The following PAFAH1B3 variants were observed in gnomAD, a reference collection of about 807,000 sequenced individuals.
The protein encoded by PAFAH1B3 is platelet activating factor acetylhydrolase 1b catalytic subunit 3.
Under a neutral mutation model 24.4 loss-of-function variants are expected in PAFAH1B3, and 15 were observed. That is an observed-to-expected ratio of 0.62 (90% CI 0.41 to 0.95). PAFAH1B3 has a LOEUF of 0.95. Among genes scored for constraint, PAFAH1B3 ranks in the 40% least tolerant of loss-of-function variants. The probability of loss-of-function intolerance (pLI) is 0.00; values close to 1 mark genes in which losing one functional copy is unlikely to be tolerated. For synonymous variants in PAFAH1B3, 144 were observed against 126.5 expected, an observed-to-expected ratio of 1.14 and a Z score of -0.93; for missense variants, 266 against 312.2, an observed-to-expected ratio of 0.85 and a Z score of 1.12.
chr19:42,300,505 T>C (rs1386860161), intron 2 of PAFAH1B3, among the ~76,000 whole-genome samples: 1 of 152,228 alleles, frequency 6.6e-6, no homozygotes, highest in Non-Finnish European at 1.5e-5. Flanking sequence ...TATTTTATTT[T>C]ATATTTTTGA....
At chr19:42,298,128 C>T (rs2038565812) in intron 4 of PAFAH1B3, among the ~76,000 whole-genome samples, 1 of 152,070 alleles carries the variant, frequency 6.6e-6, no homozygotes, top group Non-Finnish European at 1.5e-5. Flanking sequence ...GCCCTGGAAG[C>T]AGAAGTTGCA....
At chr19:42,299,451 G>T (rs1282613915) in intron 4 of PAFAH1B3, among the ~76,000 whole-genome samples, 3 of 146,996 alleles carry the variant, frequency 2.0e-5, no homozygotes, top group African/African-American at 7.6e-5. Flanking sequence ...TTGAGACGGA[G>T]TCTCGCTCTG....
rs758422229 is a variant in PAFAH1B3, at chr19:42,297,141, C to G, written c.633G>C (p.Leu211=). Residue 211 remains leucine, a synonymous_variant, in exon 5 of 5, where the codon CTG becomes CTC. Coordinates refer to ENST00000262890, the MANE Select transcript of PAFAH1B3 (RefSeq NM_002573.4). The part of the protein sequence containing the change: ...YTPVCRALHS[L]LLRLLAQDQG... ...GGTCTTGGGCCAGCAGACGCAGAAG[C>G]AGGGAGTGCAGAGCCCGGCAAACAG... is the stretch of plus-strand genomic sequence containing the variant. 1 of 1,613,290 alleles carries G rather than the reference C, an allele frequency of 6.2e-7. No homozygotes were observed. Among genetic ancestry groups the G allele is most frequent in the Non-Finnish European group, 8.5e-7 (1 of 1,179,306 alleles).
chr19:42,299,208 C>T (rs1164304681), intron 4 of PAFAH1B3, among the ~76,000 whole-genome samples: 1 of 151,812 alleles, frequency 6.6e-6, no homozygotes, highest in African/African-American at 2.4e-5. Flanking sequence ...CCTCCACCTC[C>T]TGGGTTCAAG....
At chr19:42,300,691 G>C (rs967484535) in intron 2 of PAFAH1B3, among the ~76,000 whole-genome samples, 10 of 152,054 alleles carry the variant, frequency 6.6e-5, no homozygotes, top group Non-Finnish European at 4.4e-5. Flanking sequence ...CTAATTTTTT[G>C]TATTTTTAGT....
intron 4 of PAFAH1B3, among the ~76,000 whole-genome samples, chr19:42,299,365 C>A (rs1253960925): frequency 2.0e-5 from 3 of 152,136 alleles, no homozygotes; most frequent in African/African-American, 7.2e-5. Flanking sequence ...GATCTGCTTG[C>A]CTCGGCCTCC....
chr19:42,302,575 G>A lies in PAFAH1B3; in HGVS notation c.-266C>T, dbSNP rs757055548. The A allele has an allele frequency of 6.7e-6, 3 of 445,340 alleles. No individual in the cohort carries two copies. Among genetic ancestry groups the A allele is most frequent in the Non-Finnish European group, 1.2e-5 (3 of 247,166 alleles). The allele number at this position is 445,340 out of a possible 1,614,324, so 27.6% of individuals were successfully genotyped here. A position where few individuals can be genotyped will look rare whatever the true frequency, so the allele number is the denominator to read the frequency against. On this transcript the variant is annotated 5_prime_UTR_variant, in exon 1 of 5. Coordinates refer to ENST00000262890, the MANE Select transcript of PAFAH1B3 (RefSeq NM_002573.4). ...TGGGCTCGCCCGGCGCTTCCCGCTC[G>A]GGCCGCTGACTCCCAGGCCGCGCAC...
chr19:42,297,810 T>C (rs897722617), intron 4 of PAFAH1B3, among the ~76,000 whole-genome samples: 1 of 151,996 alleles, frequency 6.6e-6, no homozygotes, highest in Non-Finnish European at 1.5e-5. Context: ...CCTGACTTCA[T>C]GATCCGCCCG....
Position 42,301,973 on chromosome 19 carries a change from C to T in PAFAH1B3, c.145G>A (p.Val49Ile). 1 of 1,563,538 alleles carries T rather than the reference C, an allele frequency of 6.4e-7. No homozygotes were observed. The highest frequency in any genetic ancestry group is 8.7e-7 in the Non-Finnish European group (1 of 1,154,078). Residue 49 changes from valine (V) to isoleucine (I), a missense_variant, in exon 2 of 5, where the codon GTC becomes ATC. By Grantham distance (29) the Val-to-Ile change is conservative. Coordinates refer to ENST00000262890, the MANE Select transcript of PAFAH1B3 (RefSeq NM_002573.4). ...PEVVFIGDSL[V>I]QLMHQCEIWR... is the part of the protein sequence containing the mutation. Reference sequence around the variant, plus strand: ...ACCTCGCACTGGTGCATGAGCTGGACCAAGGAGTCCCCGATGAAGACGACT... The same window carrying T: ...ACCTCGCACTGGTGCATGAGCTGGATCAAGGAGTCCCCGATGAAGACGACT...
chr19:42,298,132 A>G, intron 4 of PAFAH1B3, among the ~76,000 whole-genome samples: 2 of 152,034 alleles, frequency 1.3e-5, no homozygotes, highest in Non-Finnish European at 2.9e-5. Context: ...TGGAAGCAGA[A>G]GTTGCAGTGA....
Position 42,301,937 on chromosome 19 carries a change from G to T in PAFAH1B3, c.168+13C>A. ...AGGGCTGGATGGGGCAGGGGGAGAG[G>T]GACTGCCCTCACCTCGCACTGGTGC... On this transcript the variant is annotated intron_variant, in intron 2 of 4. Transcript: ENST00000262890. 1 of 1,548,696 alleles carries T rather than the reference G, an allele frequency of 6.5e-7. No individual in the cohort carries two copies. Among genetic ancestry groups the T allele is most frequent in the Non-Finnish European group, 8.7e-7 (1 of 1,143,648 alleles).
Position 42,300,186 on chromosome 19 carries a change from T to A in PAFAH1B3, c.270A>T (p.Glu90Asp). The change falls in exon 3 of 5, where the codon GAA (glutamate) becomes GAT (aspartate). Residue 90 changes from glutamate (E) to aspartate (D), a missense_variant. Physicochemically the swap from Glu to Asp is conservative, Grantham distance 45 (BLOSUM62 2). Transcript: ENST00000262890. ...VLWRLENGEL[E>D]HIRPKIVVVW... ...CCCCGCTCACCTTGGGCCGGATGTG[T>A]TCCAGCTCCCCATTCTCCAGCCGCC... 1 of 1,614,204 alleles carries A rather than the reference T, an allele frequency of 6.2e-7. No individual in the cohort carries two copies. Among genetic ancestry groups the A allele is most frequent in the Non-Finnish European group, 8.5e-7 (1 of 1,180,036 alleles).
chr19:42,299,428 AATT>A (rs1051392221), intron 4 of PAFAH1B3, among the ~76,000 whole-genome samples: 5 of 133,016 alleles, frequency 3.8e-5, no homozygotes, highest in African/African-American at 1.4e-4. Context: ...ATGCCCAACT[AATT>A]TTTTTTTTTT....
chr19:42,300,167 T>C lies in PAFAH1B3; in HGVS notation c.285+4A>G, dbSNP rs1010248011. 2.5e-6 allele frequency: 4 copies of C among 1,613,968 alleles called. No individual in the cohort carries two copies. The highest frequency in any genetic ancestry group is 3.4e-6 in the Non-Finnish European group (4 of 1,179,980). On this transcript the variant is annotated splice_donor_region_variant and intron_variant, in intron 3 of 4. Transcript: ENST00000262890. ...TTTTAGAGCCCCACCCAAGCCCCGC[T>C]CACCTTGGGCCGGATGTGTTCCAGC...
intron 4 of PAFAH1B3, among the ~76,000 whole-genome samples, chr19:42,299,067 C>A (rs1599951336): frequency 6.6e-6 from 1 of 151,430 alleles, no homozygotes; most frequent in African/African-American, 2.4e-5. Flanking sequence ...CCCTCTTCAG[C>A]CTCCCAAAGT....
Position 42,297,359 on chromosome 19 carries a change from G to C in PAFAH1B3, c.415C>G (p.Leu139Val), listed in dbSNP as rs1259062436. The C allele has an allele frequency of 6.2e-7, 1 of 1,606,446 alleles. No individual in the cohort carries two copies. Among genetic ancestry groups the C allele is most frequent in the Non-Finnish European group, 8.5e-7 (1 of 1,173,646 alleles). ...GGGTTGGGATGTTGGCCTCGCGGAA[G>C]CAGGCCCTGAGCAGGAACACGAGGC... ...PQARVVVLGLLPRGQHPNPLR... is the reference protein window; with the variant it reads ...PQARVVVLGLVPRGQHPNPLR... Residue 139 changes from leucine (L) to valine (V), a missense_variant, in exon 5 of 5, where the codon CTT becomes GTT. Leu to Val is a conservative substitution (Grantham distance 32). Coordinates refer to ENST00000262890, the MANE Select transcript of PAFAH1B3 (RefSeq NM_002573.4).
chr19:42,299,446 A>G (rs1038735895), intron 4 of PAFAH1B3, among the ~76,000 whole-genome samples: 8 of 138,760 alleles, frequency 5.8e-5, no homozygotes, highest in African/African-American at 2.2e-4. Context: ...TTTTTTTGAG[A>G]CGGAGTCTCG....
Position 42,302,249 on chromosome 19 carries a change from C to G in PAFAH1B3, c.61G>C (p.Gly21Arg), listed in dbSNP as rs753821031. The G allele has an allele frequency of 2.5e-6, 4 of 1,602,622 alleles. No individual in the cohort carries two copies. The South Asian group carries it at 4.5e-5, about 18-fold the overall frequency. Residue 21 changes from glycine to arginine, a missense_variant, in exon 1 of 5, where the codon GGG becomes CGG. Physicochemically the swap from Gly to Arg is moderately radical, Grantham distance 125. Transcript: ENST00000262890. Reference protein sequence around the residue: ...PTPVQDVQGDGRWMSLHHRFV... With the variant: ...PTPVQDVQGDRRWMSLHHRFV... ...ACGCTCACCAGGGACATCCAGCGCC[C>G]GTCGCCCTGTACGTCCTGCACCGGC...
intron 2 of PAFAH1B3, among the ~76,000 whole-genome samples, chr19:42,301,663 G>A (rs921259161): frequency 3.3e-5 from 5 of 152,118 alleles, no homozygotes; most frequent in Non-Finnish European, 5.9e-5. Context: ...ACAGGGCTGC[G>A]CACTACTTAA....
Sources: gnomAD v4.1 joint callset for allele counts (sites outside exome capture counted in the v4.1 genomes callset) on GRCh38, gnomAD v4.1.1 for gene constraint, MANE v1.5 for transcripts, NCBI Gene and HGNC (gene_info 2026-07-23, HGNC 2026-07-21) for gene names.